VWC2L: variants seen among roughly 807,000 people sequenced by gnomAD.
VWC2L encodes the protein von Willebrand factor C domain containing 2 like.
Under a neutral mutation model 21.6 loss-of-function variants are expected in VWC2L, and 10 were observed. The observed-to-expected ratio is 0.46, with a 90% confidence interval of 0.29 to 0.78. The LOEUF (loss-of-function observed/expected upper bound fraction) is 0.78. VWC2L is among the 30% of genes least tolerant of loss of function. VWC2L has a pLI of 0.10. For synonymous variants in VWC2L, 96 were observed against 94.3 expected (o/e 1.02, Z -0.10); for missense variants, 209 against 277.1 (o/e 0.75, Z 1.74).
At chr2:214,421,825 A>C (rs1353079682) in intron 2 of VWC2L, among the ~76,000 whole-genome samples, 2 of 151,640 alleles carry the variant, frequency 1.3e-5, no homozygotes, top group African/African-American at 4.9e-5. Context: ...TCCTCACCAA[A>C]AGACAGAATT....
intron 3 of VWC2L, among the ~76,000 whole-genome samples, chr2:214,438,132 G>A (rs75739592): frequency 0.021 from 3,218 of 152,034 alleles, 58 homozygotes; most frequent in Middle Eastern, 0.048. Flanking sequence ...AACTGGAAAA[G>A]ATACAAGAAA....
chr2:214,421,783 G>GT (rs1179707771), intron 2 of VWC2L, among the ~76,000 whole-genome samples: 1 of 128,424 alleles, frequency 7.8e-6, no homozygotes, highest in Non-Finnish European at 1.7e-5. Flanking sequence ...TTTTGGATAT[G>GT]TTAAAAAAAA....
intron 3 of VWC2L, among the ~76,000 whole-genome samples, chr2:214,492,478 G>A (rs1688758518): frequency 6.6e-6 from 1 of 152,216 alleles, no homozygotes; most frequent in Admixed American, 6.6e-5. Context: ...CAAATCAGCA[G>A]TCCAGCCCAC....
intron 3 of VWC2L, among the ~76,000 whole-genome samples, chr2:214,570,800 A>T (rs1215970349): frequency 6.6e-6 from 1 of 152,196 alleles, no homozygotes; most frequent in Non-Finnish European, 1.5e-5. Flanking sequence ...CACAAATATG[A>T]ATCCTGAGAC....
At chr2:214,539,205 G>A (rs1172065976) in intron 3 of VWC2L, among the ~76,000 whole-genome samples, 5 of 152,140 alleles carry the variant, frequency 3.3e-5, no homozygotes, top group Non-Finnish European at 5.9e-5. Context: ...ACATTGCAAA[G>A]GGGATGTAAA....
chr2:214,555,279 T>C (rs1404260154), intron 3 of VWC2L, among the ~76,000 whole-genome samples: 1 of 152,196 alleles, frequency 6.6e-6, no homozygotes, highest in Non-Finnish European at 1.5e-5. Context: ...GTGTATTTGA[T>C]GTCTGCTTGT....
intron 3 of VWC2L, among the ~76,000 whole-genome samples, chr2:214,448,024 C>T (rs2126183436): frequency 6.6e-6 from 1 of 152,182 alleles, no homozygotes; most frequent in African/African-American, 2.4e-5. Context: ...CTGTGATCCC[C>T]ATGTGGTTCT....
In VWC2L at chr2:214,473,150, A is replaced by C. The variant is rs56072521; in HGVS notation, c.520+36392A>C. Among the ~76,000 whole-genome samples, 1,074 of 152,334 alleles carry C rather than the reference A, an allele frequency of 7.1e-3. 15 individuals carry two copies. Among genetic ancestry groups the C allele is most frequent in the African/African-American group, 0.025 (1,034 of 41,578 alleles). ...AATAGTCCTAAGATTATTTGAAAGTAAGCAAATTGCTCACAATAAAAGCTG... is the reference window on the plus strand; with the variant it reads ...AATAGTCCTAAGATTATTTGAAAGTCAGCAAATTGCTCACAATAAAAGCTG... On this transcript the variant is annotated intron_variant, in intron 3 of 3. Coordinates refer to ENST00000312504, the MANE Select transcript of VWC2L (RefSeq NM_001080500.4).
At chr2:214,557,390 C>T (rs1027226908) in intron 3 of VWC2L, among the ~76,000 whole-genome samples, 33 of 152,074 alleles carry the variant, frequency 2.2e-4, no homozygotes, top group African/African-American at 7.2e-4. Context: ...CCCACCAGTT[C>T]CCTACCACAA....
At chr2:214,560,379 C>T (rs949323402) in intron 3 of VWC2L, among the ~76,000 whole-genome samples, 7 of 151,954 alleles carry the variant, frequency 4.6e-5, no homozygotes, top group Admixed American at 6.6e-5. Context: ...GGTGGGTGGG[C>T]GTGTCTGTCT....
At position 214,436,770 on chromosome 2, in the gene VWC2L, C is replaced by A. The variant is rs754699963; in HGVS notation, c.520+12C>A. Reference sequence around the variant, plus strand: ...TGTCTGCAAAAATGGTAAGACCACACTGCATTAGCTTTTGAAGAGGGGTTC... The same window carrying A: ...TGTCTGCAAAAATGGTAAGACCACAATGCATTAGCTTTTGAAGAGGGGTTC... On this transcript the variant is annotated intron_variant, in intron 3 of 3. Transcript: ENST00000312504. 1 of 1,612,660 alleles carries A rather than the reference C, an allele frequency of 6.2e-7. No individual in the cohort carries two copies. Among genetic ancestry groups the A allele is most frequent in the East Asian group, 2.2e-5 (1 of 44,850 alleles).
chr2:214,504,132 T>C (rs1353343957), intron 3 of VWC2L, among the ~76,000 whole-genome samples: 1 of 152,158 alleles, frequency 6.6e-6, no homozygotes, highest in Non-Finnish European at 1.5e-5. Flanking sequence ...TAAACAAAAA[T>C]CAAAAGAATG....
chr2:214,430,826 A>T (rs1702590443), intron 2 of VWC2L, among the ~76,000 whole-genome samples: 1 of 152,352 alleles, frequency 6.6e-6, no homozygotes, highest in South Asian at 2.1e-4. Context: ...TGGTTATTTT[A>T]AAAAACTCTG....
chr2:214,462,369 T>A (rs1405961160), intron 3 of VWC2L, among the ~76,000 whole-genome samples: 1 of 152,236 alleles, frequency 6.6e-6, no homozygotes, highest in East Asian at 1.9e-4. Context: ...AGTCCCAGCC[T>A]GGCCAACTGC....
chr2:214,578,573 G>C lies in VWC2L; in HGVS notation c.*2753G>C, dbSNP rs936377889. 1.3e-5 allele frequency: 2 copies of C among 152,088 alleles called. No individual in the cohort carries two copies. Among genetic ancestry groups the C allele is most frequent in the African/African-American group, 2.4e-5 (1 of 41,402 alleles). The allele number at this position is 152,088 out of a possible 1,614,324, so 9.4% of individuals were successfully genotyped here. A position where few individuals can be genotyped will look rare whatever the true frequency, so the allele number is the denominator to read the frequency against. ...ATACTGTGACAATTTCTCATAAACT[G>C]ATAAACATTTTACAACTTCCTTCTA... On this transcript the variant is annotated 3_prime_UTR_variant, in exon 4 of 4. Coordinates refer to ENST00000312504, the MANE Select transcript of VWC2L (RefSeq NM_001080500.4).
chr2:214,538,202 C>T (rs10188314), intron 3 of VWC2L, among the ~76,000 whole-genome samples: 72,266 of 151,684 alleles, frequency 0.48, 17,550 homozygotes, highest in East Asian at 0.73. Flanking sequence ...CATTGACAAC[C>T]GCTAAATGGC....
At chr2:214,522,580 C>A (rs1689262609) in intron 3 of VWC2L, among the ~76,000 whole-genome samples, 1 of 151,882 alleles carries the variant, frequency 6.6e-6, no homozygotes, top group African/African-American at 2.4e-5. Context: ...AGGTATCCAT[C>A]CCTAATTCTA....
chr2:214,500,208 A>G (rs183029126), intron 3 of VWC2L, among the ~76,000 whole-genome samples: 27 of 152,376 alleles, frequency 1.8e-4, no homozygotes, highest in South Asian at 6.2e-4. Context: ...TCTTAGAAAT[A>G]GCATAAACTA....
At chr2:214,480,357 T>A (rs1415257647) in intron 3 of VWC2L, among the ~76,000 whole-genome samples, 1 of 152,222 alleles carries the variant, frequency 6.6e-6, no homozygotes, top group East Asian at 1.9e-4. Flanking sequence ...CAAAGATGAT[T>A]AAGTTTCCAT....
Sources: gnomAD v4.1 joint callset for allele counts (sites outside exome capture counted in the v4.1 genomes callset) on GRCh38, gnomAD v4.1.1 for gene constraint, MANE v1.5 for transcripts, NCBI Gene and HGNC (gene_info 2026-07-23, HGNC 2026-07-21) for gene names.